The following IGFBPL1 variants were observed in gnomAD, a reference collection of about 807,000 sequenced individuals.
IGFBPL1 encodes insulin like growth factor binding protein like 1.
A neutral mutation model predicts 23.9 loss-of-function variants in IGFBPL1; 20 were observed. That is an observed-to-expected ratio of 0.84 (90% confidence interval 0.59 to 1.22). IGFBPL1 has a LOEUF of 1.22. Among genes scored for constraint, IGFBPL1 ranks in the 50% most tolerant of loss-of-function variants. The pLI, the probability that IGFBPL1 is intolerant of heterozygous loss-of-function variation, is 0.00. For missense variants in IGFBPL1, 436 were observed against 379.3 expected (o/e 1.15, Z -1.24); for synonymous variants, 184 against 171.8 (o/e 1.07, Z -0.56).
chr9:38,421,672 C>T (rs987864837), intron 1 of IGFBPL1, among the ~76,000 whole-genome samples: 5 of 152,162 alleles, frequency 3.3e-5, no homozygotes, highest in Non-Finnish European at 4.4e-5. Flanking sequence ...TGTTAAAAAA[C>T]GCTCCCGCTG....
rs79932186 is a variant in IGFBPL1 at position 38,407,956 on chromosome 9, GAAA to G, written c.*1268_*1270del. On this transcript the variant is annotated 3_prime_UTR_variant, in exon 5 of 5. Coordinates refer to ENST00000377694, the MANE Select transcript of IGFBPL1 (RefSeq NM_001007563.3). Reference sequence around the variant, plus strand: ...TCTCCTTTCTTTTTTCATTAAAAAAGAAAAAAAAGAGAGCCTTACTCTTGGGTG... The same window carrying G: ...TCTCCTTTCTTTTTTCATTAAAAAAGAAAAAGAGAGCCTTACTCTTGGGTG... Among the ~76,000 whole-genome samples the G allele has an allele frequency of 6.4e-3, 970 of 151,218 alleles. 2 individuals carry two copies. Among genetic ancestry groups the G allele is most frequent in the Non-Finnish European group, 0.011 (720 of 67,784 alleles).
intron 3 of IGFBPL1, 98 bp downstream of exon 3, chr9:38,413,138 AT>A: frequency 1.2e-6 from 1 of 832,360 alleles, no homozygotes; most frequent in Non-Finnish European, 2.0e-6. Flanking sequence ...CCAGTGAGAA[AT>A]GGGTAAGAAC....
rs1821464690 is a variant in IGFBPL1 at position 38,408,509 on chromosome 9, G to C, written c.*718C>G. 6.6e-6 allele frequency among the ~76,000 whole-genome samples: 1 copy of C among 152,206 alleles called. No individual in the cohort carries two copies. Among genetic ancestry groups the C allele is most frequent in the African/African-American group, 2.4e-5 (1 of 41,450 alleles). ...AAAGACCCAGCCAAGGCGCTCCTGA[G>C]TCTGGTAAAGCATCCCACCTAAAAC... is the stretch of plus-strand genomic sequence containing the variant. On this transcript the variant is annotated 3_prime_UTR_variant, in exon 5 of 5. Transcript: ENST00000377694.
intron 3 of IGFBPL1, among the ~76,000 whole-genome samples, chr9:38,411,943 C>T (rs569978879): frequency 6.9e-4 from 105 of 152,288 alleles, no homozygotes; most frequent in African/African-American, 2.4e-3. Context: ...AAAATACCAC[C>T]AGAGATAACC....
In IGFBPL1 at chr9:38,407,681, A is replaced by C. The variant is rs1312546421; in HGVS notation, c.*1546T>G. On this transcript the variant is annotated 3_prime_UTR_variant, in exon 5 of 5. Transcript: ENST00000377694. ...CCGTGGAGTAGAGAGGGGACCAAGG[A>C]GGGCCAGGTGCCCTGAGCTCTGCTC... is the stretch of plus-strand genomic sequence containing the variant. Among the ~76,000 whole-genome samples the C allele has an allele frequency of 6.6e-6, 1 of 152,194 alleles. No individual in the cohort carries two copies. Among genetic ancestry groups the C allele is most frequent in the Non-Finnish European group, 1.5e-5 (1 of 68,040 alleles).
chr9:38,421,119 C>A (rs1351565929), intron 1 of IGFBPL1, among the ~76,000 whole-genome samples: 3 of 151,770 alleles, frequency 2.0e-5, no homozygotes, highest in African/African-American at 7.3e-5. Context: ...ACAGTAAGAT[C>A]CTGTCTCTAC....
chr9:38,424,038 G>A lies in IGFBPL1; in HGVS notation c.387C>T (p.Arg129=), dbSNP rs1306136231. Residue 129 remains arginine (R), a synonymous_variant, in exon 1 of 5, where the codon CGC becomes CGT. Transcript: ENST00000377694. The part of the protein sequence containing the change: ...GRSYPSVCAL[R]LRARHTPRAH... The stretch of plus-strand genomic sequence containing the variant: ...CGCGGGGCGTGTGCCGAGCGCGCAG[G>A]CGCAGCGCGCAGACGCTGGGGTACG... The A allele has an allele frequency of 1.0e-5, 14 of 1,397,896 alleles. No individual in the cohort carries two copies. The highest frequency in any genetic ancestry group is 1.0e-5 in the Non-Finnish European group (11 of 1,085,258). The allele number at this position is 1,397,896 out of a possible 1,614,324, so 86.6% of individuals were successfully genotyped here.
At chr9:38,414,267 A>C (rs1231590211) in intron 1 of IGFBPL1, 64 bp from the exon 2 acceptor site, 33 of 953,662 alleles carry the variant, frequency 3.5e-5, no homozygotes, top group South Asian at 3.1e-5. Flanking sequence ...CCCACCTCTA[A>C]ATTCCCCTGC....
At chr9:38,423,883 G>T in intron 1 of IGFBPL1, 82 bp downstream of exon 1, 1 of 1,248,606 alleles carries the variant, frequency 8.0e-7, no homozygotes, top group Non-Finnish European at 1.0e-6. Context: ...GTCCACCACT[G>T]GGCAGGGGGA....
chr9:38,419,710 T>C (rs375086976), intron 1 of IGFBPL1, among the ~76,000 whole-genome samples: 2 of 152,158 alleles, frequency 1.3e-5, no homozygotes, highest in African/African-American at 4.8e-5. Context: ...TTTAAAGTAA[T>C]GAGAGCAATA....
At chr9:38,410,083 T>G (rs13302575) in intron 4 of IGFBPL1, among the ~76,000 whole-genome samples, 24,779 of 152,194 alleles carry the variant, frequency 0.16, 2,472 homozygotes, top group Non-Finnish European at 0.23. Flanking sequence ...CCCCTGCTTT[T>G]GAGAAACCCT....
intron 1 of IGFBPL1, 135 bp downstream of exon 1, chr9:38,423,830 G>A: frequency 1.1e-6 from 1 of 870,126 alleles, no homozygotes; most frequent in Middle Eastern, 2.4e-4. Context: ...GGAGAGATAT[G>A]AAATACTGCT....
chr9:38,416,465 C>T (rs1019037984), intron 1 of IGFBPL1, among the ~76,000 whole-genome samples: 5 of 152,128 alleles, frequency 3.3e-5, no homozygotes, highest in African/African-American at 1.2e-4. Context: ...AAAGGGACGT[C>T]AAAGCACATT....
chr9:38,413,558 C>T (rs922276370), intron 2 of IGFBPL1, among the ~76,000 whole-genome samples: 1 of 152,218 alleles, frequency 6.6e-6, no homozygotes, highest in African/African-American at 2.4e-5. Flanking sequence ...TGCCAGACAG[C>T]AAAGACCCGA....
In IGFBPL1 at chr9:38,413,338, CAG is replaced by C. The variant is rs1821543321; in HGVS notation, c.584_585del (p.Pro195ArgfsTer26). The C allele has an allele frequency of 6.2e-7, 1 of 1,613,020 alleles. No homozygotes were observed. The highest frequency in any genetic ancestry group is 1.3e-5 in the African/African-American group (1 of 74,902). On this transcript the variant is annotated frameshift_variant, in exon 3 of 5. Coordinates refer to ENST00000377694, the MANE Select transcript of IGFBPL1 (RefSeq NM_001007563.3). LOFTEE classifies it high-confidence loss of function. ...AGCTCCTCCAGTGCTTGGGTGCCCT[CAG>C]GGGACTTCGTGACCTACAGGGGACA... The part of the protein sequence containing the change: ...VITWRKVTKS[P>X]EGTQALEELP...
rs564586185 is a variant in IGFBPL1, at chr9:38,407,195, G to T, written c.*2032C>A. Among the ~76,000 whole-genome samples, 8 of 152,352 alleles carry T rather than the reference G, an allele frequency of 5.3e-5. No individual in the cohort carries two copies. Among genetic ancestry groups the T allele is most frequent in the Admixed American group, 1.3e-4 (2 of 15,298 alleles). ...GGTCCCCTGGCAGCTCCAAACCCCA[G>T]TAGACAAGAACAGCTTCCAGTGCCA... is the stretch of plus-strand genomic sequence containing the variant. On this transcript the variant is annotated 3_prime_UTR_variant, in exon 5 of 5. Coordinates refer to ENST00000377694, the MANE Select transcript of IGFBPL1 (RefSeq NM_001007563.3).
At position 38,424,088 on chromosome 9, in the gene IGFBPL1, T is replaced by C; in HGVS notation, c.337A>G (p.Thr113Ala). The C allele has an allele frequency of 7.3e-7, 1 of 1,373,870 alleles. No individual in the cohort carries two copies. The allele number at this position is 1,373,870 out of a possible 1,614,324, so 85.1% of individuals were successfully genotyped here. A position where few individuals can be genotyped will look rare whatever the true frequency, so the allele number is the denominator to read the frequency against. ...TGLCVCAQRG[T>A]VCGSDGRSYP... ...GAGCGACCGTCGGAGCCGCAGACGGTGCCGCGCTGCGCGCACACGCAGAGC... is the reference window on the plus strand; with the variant it reads ...GAGCGACCGTCGGAGCCGCAGACGGCGCCGCGCTGCGCGCACACGCAGAGC... Residue 113 changes from threonine to alanine, a missense_variant, in exon 1 of 5, where the codon ACC becomes GCC. Transcript: ENST00000377694.
At chr9:38,416,330 T>C (rs1248719824) in intron 1 of IGFBPL1, among the ~76,000 whole-genome samples, 1 of 152,196 alleles carries the variant, frequency 6.6e-6, no homozygotes, top group Non-Finnish European at 1.5e-5. Context: ...CATCTCTCTC[T>C]CCTCATGTTT....
intron 3 of IGFBPL1, 152 bp from the exon 4 acceptor site, chr9:38,411,701 G>A: frequency 1.4e-6 from 1 of 702,930 alleles, no homozygotes; most frequent in South Asian, 1.9e-5. Context: ...CTGCCAAGGA[G>A]CACGCAGGTA....
Sources: allele counts gnomAD v4.1 joint callset (sites outside exome capture counted in the v4.1 genomes callset), GRCh38; gene constraint gnomAD v4.1.1; transcripts MANE v1.5; gene names NCBI Gene and HGNC (gene_info 2026-07-23, HGNC 2026-07-21).